The following FHIT variants were observed in gnomAD, a reference collection of about 807,000 sequenced individuals.
FHIT encodes fragile histidine triad diadenosine triphosphatase.
Under a neutral mutation model 17.9 loss-of-function variants are expected in FHIT, and 19 were observed. The ratio of observed to expected loss-of-function variants is 1.06; its 90% CI spans 0.74 to 1.56. The LOEUF (loss-of-function observed/expected upper bound fraction) is 1.56. Ranked by LOEUF, FHIT falls within the 40% of genes most tolerant of loss-of-function variation. The pLI is 0.00. For synonymous variants in FHIT, 81 were observed against 69.7 expected, an observed-to-expected ratio of 1.16 and a Z score of -0.81; for missense variants, 248 against 189.2, an observed-to-expected ratio of 1.31 and a Z score of -1.82.
At chr3:60,026,311 G>A (rs373571489) in intron 5 of FHIT, among the ~76,000 whole-genome samples, 3 of 118,692 alleles carry the variant, frequency 2.5e-5, no homozygotes, top group East Asian at 7.9e-4. Context: ...ACGAATGGTT[G>A]GTTTAGAAAA....
intron 3 of FHIT, among the ~76,000 whole-genome samples, chr3:61,010,096 C>T (rs1389921068): frequency 6.6e-6 from 1 of 152,048 alleles, no homozygotes; most frequent in East Asian, 1.9e-4. Flanking sequence ...TAAGAATAAT[C>T]ACATCACCTG....
chr3:60,743,622 G>A (rs562835249), intron 4 of FHIT, among the ~76,000 whole-genome samples: 5 of 152,278 alleles, frequency 3.3e-5, no homozygotes, highest in African/African-American at 4.8e-5. Context: ...TGAGAGTAAG[G>A]GAGATTTCTG....
chr3:59,903,164 TAAATGGA>T (rs1704412664), intron 8 of FHIT, among the ~76,000 whole-genome samples: 1 of 152,156 alleles, frequency 6.6e-6, no homozygotes, highest in Non-Finnish European at 1.5e-5. Flanking sequence ...AACTTTATGG[TAAATGGA>T]AAAGACAGTG....
intron 5 of FHIT, among the ~76,000 whole-genome samples, chr3:60,319,100 G>A (rs915217014): frequency 2.0e-5 from 3 of 152,030 alleles, no homozygotes; most frequent in African/African-American, 7.3e-5. Flanking sequence ...CCCATCTTAA[G>A]ATTCTTAACC....
At chr3:59,765,962 A>C (rs1054049413) in intron 8 of FHIT, among the ~76,000 whole-genome samples, 2 of 152,326 alleles carry the variant, frequency 1.3e-5, no homozygotes, top group Admixed American at 1.3e-4. Flanking sequence ...AGTTTAAAAA[A>C]ATTCCCTAAA....
intron 4 of FHIT, among the ~76,000 whole-genome samples, chr3:60,549,473 C>T (rs189252228): frequency 6.6e-6 from 1 of 152,226 alleles, no homozygotes; most frequent in African/African-American, 2.4e-5. Flanking sequence ...GCATTAATTC[C>T]TAGATTTGAG....
At chr3:60,219,051 C>T (rs57175615) in intron 5 of FHIT, among the ~76,000 whole-genome samples, 3,992 of 152,164 alleles carry the variant, frequency 0.026, 183 homozygotes, top group African/African-American at 0.09. Context: ...ACCATTTTAA[C>T]CAAGGCTGAA....
chr3:59,859,012 C>T (rs1559670766), intron 8 of FHIT, among the ~76,000 whole-genome samples: 1 of 152,174 alleles, frequency 6.6e-6, no homozygotes, highest in Non-Finnish European at 1.5e-5. Context: ...AATAAGCATG[C>T]TAAGCACCCA....
At chr3:60,529,234 A>T (rs947623451) in intron 5 of FHIT, among the ~76,000 whole-genome samples, 2 of 152,248 alleles carry the variant, frequency 1.3e-5, no homozygotes, top group African/African-American at 4.8e-5. Context: ...ATTAATTTGC[A>T]ATAAATATAA....
chr3:60,845,798 G>T (rs1201300571), intron 3 of FHIT, among the ~76,000 whole-genome samples: 2 of 152,116 alleles, frequency 1.3e-5, no homozygotes, highest in African/African-American at 4.8e-5. Context: ...CTCACAGGTC[G>T]ATGTCTGGGA....
At position 59,747,277 on chromosome 3, in the gene FHIT, T is replaced by TA. The variant is rs1278731852; in HGVS notation, c.*2307dup. ...TAATAACCACACACTCAAGACTGGG[T>TA]AATTTATAAAGGAATGAGGTTTAAT... On this transcript the variant is annotated 3_prime_UTR_variant, in exon 10 of 10. Transcript: ENST00000492590. Among the ~76,000 whole-genome samples the TA allele has an allele frequency of 6.6e-6, 1 of 152,110 alleles. No individual in the cohort carries two copies. The highest frequency in any genetic ancestry group is 2.4e-5 in the African/African-American group (1 of 41,414).
chr3:61,110,661 C>T (rs2106886373), intron 2 of FHIT, among the ~76,000 whole-genome samples: 1 of 152,268 alleles, frequency 6.6e-6, no homozygotes, highest in Admixed American at 6.5e-5. Flanking sequence ...GGCTGACCAA[C>T]TCTTTACTAA....
chr3:60,086,090 G>A (rs925826955), intron 5 of FHIT, among the ~76,000 whole-genome samples: 3 of 152,286 alleles, frequency 2.0e-5, no homozygotes, highest in Non-Finnish European at 4.4e-5. Flanking sequence ...ATGGCAGAAG[G>A]CAAATGGAAG....
At chr3:60,241,153 C>T (rs1234975180) in intron 5 of FHIT, among the ~76,000 whole-genome samples, 2 of 152,078 alleles carry the variant, frequency 1.3e-5, no homozygotes, top group Non-Finnish European at 2.9e-5. Context: ...CATATTTATT[C>T]CTCTGTGGAT....
At chr3:61,207,101 G>C (rs1480519280) in intron 1 of FHIT, among the ~76,000 whole-genome samples, 2 of 152,154 alleles carry the variant, frequency 1.3e-5, no homozygotes, top group Non-Finnish European at 2.9e-5. Context: ...CTTTGGTTCT[G>C]TTTATATGCT....
At chr3:61,144,563 G>A (rs932870571) in intron 2 of FHIT, among the ~76,000 whole-genome samples, 2 of 152,150 alleles carry the variant, frequency 1.3e-5, no homozygotes, top group South Asian at 2.1e-4. Context: ...ACCTAGGAAG[G>A]TATAGAATTG....
intron 4 of FHIT, among the ~76,000 whole-genome samples, chr3:60,672,761 T>A (rs1236038754): frequency 6.6e-6 from 1 of 151,482 alleles, no homozygotes; most frequent in African/African-American, 2.4e-5. Context: ...ATTTATGCCA[T>A]CTTTTTTTGT....
At chr3:60,607,755 G>A (rs1022482154) in intron 4 of FHIT, among the ~76,000 whole-genome samples, 3 of 151,894 alleles carry the variant, frequency 2.0e-5, no homozygotes, top group Non-Finnish European at 4.4e-5. Flanking sequence ...ACTTTTGTCT[G>A]CAATACATAC....
At chr3:61,204,756 A>G (rs560867213) in intron 1 of FHIT, among the ~76,000 whole-genome samples, 6 of 152,308 alleles carry the variant, frequency 3.9e-5, no homozygotes, top group East Asian at 1.9e-4. Flanking sequence ...AGCTGACGGA[A>G]TAAGTTATTG....
Sources: gnomAD v4.1 joint callset for allele counts (sites outside exome capture counted in the v4.1 genomes callset) on GRCh38, gnomAD v4.1.1 for gene constraint, MANE v1.5 for transcripts, NCBI Gene and HGNC (gene_info 2026-07-23, HGNC 2026-07-21) for gene names.